Variants in NFRKB observed in about 807,000 individuals in gnomAD.
NFRKB encodes nuclear factor related to kappaB binding protein, also known as nuclear factor related to kappa-B-binding protein.
In NFRKB, 62 loss-of-function variants were observed where a neutral mutation model predicts 135.7. The ratio of observed to expected loss-of-function variants is 0.46; its 90% CI spans 0.37 to 0.56. The LOEUF is 0.56. Among genes scored for constraint, NFRKB ranks in the 20% least tolerant of loss-of-function variants. NFRKB has a pLI of 0.00. For synonymous variants in NFRKB, 678 were observed against 635.6 expected (o/e 1.07, Z -1.00); for missense variants, 1,545 against 1,662.0 (o/e 0.93, Z 1.22).
At chr11:129,878,656 T>C in intron 13 of NFRKB, 113 bp from the exon 14 acceptor site, 1 of 915,244 alleles carries the variant, frequency 1.1e-6, no homozygotes, top group Non-Finnish European at 1.7e-6. Flanking sequence ...TCAGGAGCTG[T>C]AGCAACAATC....
At chr11:129,871,477 T>C (rs1458289921) in intron 23 of NFRKB, among the ~76,000 whole-genome samples, 1 of 152,152 alleles carries the variant, frequency 6.6e-6, no homozygotes, top group Non-Finnish European at 1.5e-5. Context: ...CTTTTCTCTG[T>C]CTTGCAGTCT....
rs766699085 is a variant in NFRKB, at chr11:129,878,539, T to C, written c.1389A>G (p.Gln463=). 5.6e-6 allele frequency: 9 copies of C among 1,613,672 alleles called. No individual in the cohort carries two copies. Among genetic ancestry groups the C allele is most frequent in the African/African-American group, 2.7e-5 (2 of 74,898 alleles). ...EKTQQWKLLG[Q]SQDNEKELAA... is the part of the protein sequence containing the mutation. ...CTAATTCCTTTTCATTATCTTGGGATTGGCCTATTAGAGGAATAAAGAGAT... is the reference window on the plus strand; with the variant it reads ...CTAATTCCTTTTCATTATCTTGGGACTGGCCTATTAGAGGAATAAAGAGAT... Residue 463 remains glutamine, a synonymous_variant, in exon 14 of 27, where the codon CAA becomes CAG. Transcript: ENST00000682444.
At chr11:129,888,246 A>T in intron 4 of NFRKB, 1 of 580,396 alleles carries the variant, frequency 1.7e-6, no homozygotes, top group Non-Finnish European at 3.0e-6. Flanking sequence ...ACGAACCTTG[A>T]TACGTGCAAT....
rs1299513806 is a variant in NFRKB, at chr11:129,869,919, G to A, written c.3106C>T (p.Pro1036Ser). 2.5e-6 allele frequency: 4 copies of A among 1,614,148 alleles called. No individual in the cohort carries two copies. Among genetic ancestry groups the A allele is most frequent in the Non-Finnish European group, 3.4e-6 (4 of 1,180,054 alleles). ...ASSASAPSST[P>S]TGTTVVKVTP... ...ACTTTGACCACAGTGGTACCTGTTGGAGTGGATGAAGGGGCACTGGCTGAA... is the reference window on the plus strand; with the variant it reads ...ACTTTGACCACAGTGGTACCTGTTGAAGTGGATGAAGGGGCACTGGCTGAA... Residue 1036 changes from proline (P) to serine (S), a missense_variant, in exon 24 of 27, where the codon CCA becomes TCA. Around this residue, in one of 3 missense-constraint regions of NFRKB, gnomAD observed 753 missense variants for 804.3 expected, o/e 0.94. Transcript: ENST00000682444.
chr11:129,864,584 G>A lies in NFRKB; in HGVS notation c.*141C>T, dbSNP rs557259665. 1.8e-4 allele frequency: 220 copies of A among 1,210,828 alleles called. No individual in the cohort carries two copies. Among genetic ancestry groups the A allele is most frequent in the Middle Eastern group, 1.2e-3 (4 of 3,442 alleles). The allele number at this position is 1,210,828 out of a possible 1,614,324, so 75.0% of individuals were successfully genotyped here. The stretch of plus-strand genomic sequence containing the variant: ...CACGTGGCAGCAGAATCCAGGCCAC[G>A]AATCCAGGCCACCGTTGCCATCACC... On this transcript the variant is annotated 3_prime_UTR_variant, in exon 27 of 27. Coordinates refer to ENST00000682444, the MANE Select transcript of NFRKB (RefSeq NM_001143835.2).
Position 129,874,657 on chromosome 11 carries a change from C to A in NFRKB, c.1979-77G>T. Reference sequence around the variant, plus strand: ...AAAGAGGGGCTTTGTTAAAAACCAACACCTTGCCAGTGGACTGAATCCTGC... The same window carrying A: ...AAAGAGGGGCTTTGTTAAAAACCAAAACCTTGCCAGTGGACTGAATCCTGC... On this transcript the variant is annotated intron_variant, in intron 19 of 26. Coordinates refer to ENST00000682444, the MANE Select transcript of NFRKB (RefSeq NM_001143835.2). This position sits in a 1 kb window ranked among gnomAD's most constrained non-coding sequence, Gnocchi z 4.5. 6.2e-7 allele frequency: 1 copy of A among 1,603,592 alleles called. No individual in the cohort carries two copies. Among genetic ancestry groups the A allele is most frequent in the Middle Eastern group, 1.7e-4 (1 of 5,988 alleles).
chr11:129,863,659 TA>T lies in NFRKB; in HGVS notation c.*1065del. 1 of 157,552 alleles carries T rather than the reference TA, an allele frequency of 6.3e-6. No individual in the cohort carries two copies. Among genetic ancestry groups the T allele is most frequent in the Non-Finnish European group, 1.4e-5 (1 of 71,922 alleles). The allele number at this position is 157,552 out of a possible 1,614,324, so 9.8% of individuals were successfully genotyped here. On this transcript the variant is annotated 3_prime_UTR_variant, in exon 27 of 27. Transcript: ENST00000682444. ...CAAACAAACAAAAAACGCTTTTACT[TA>T]AAAGGCCATATAGGAAATACTTTAG... is the stretch of plus-strand genomic sequence containing the variant.
At chr11:129,878,421 G>A (rs1321304044) in intron 14 of NFRKB, 43 bp downstream of exon 14, 7 of 1,612,480 alleles carry the variant, frequency 4.3e-6, no homozygotes, top group Non-Finnish European at 3.4e-6. Flanking sequence ...AAGAGCTCTG[G>A]AAACCCAGTG....
chr11:129,867,284 C>T (rs1408065302), intron 24 of NFRKB, among the ~76,000 whole-genome samples: 1 of 150,588 alleles, frequency 6.6e-6, no homozygotes, highest in Non-Finnish European at 1.5e-5. Flanking sequence ...TTCCCGCTTC[C>T]TTATTTCAAC....
At chr11:129,884,240 T>G in intron 7 of NFRKB, 97 bp from the exon 8 acceptor site, 1 of 1,259,194 alleles carries the variant, frequency 7.9e-7, no homozygotes, top group Non-Finnish European at 1.2e-6. Flanking sequence ...GTTTCCCTTC[T>G]GACACCTGTG....
intron 9 of NFRKB, 144 bp downstream of exon 9, chr11:129,882,977 TC>T: frequency 1.4e-6 from 1 of 690,508 alleles, no homozygotes; most frequent in Non-Finnish European, 2.4e-6. Flanking sequence ...TACATTCATT[TC>T]CCACCTGTTA....
chr11:129,884,623 G>T lies in NFRKB; in HGVS notation c.742+122C>A, dbSNP rs75707691. ...AAAACTTTGCCAAACAAATCACCTA[G>T]TTCTAGGGAGTTTTGTTTTCCTGGT... is the stretch of plus-strand genomic sequence containing the variant. On this transcript the variant is annotated intron_variant, in intron 7 of 26. Coordinates refer to ENST00000682444, the MANE Select transcript of NFRKB (RefSeq NM_001143835.2). 1.4e-3 allele frequency: 1,598 copies of T among 1,143,072 alleles called. 10 individuals carry two copies. In the African/African-American group the frequency reaches 0.021, roughly 15 times the overall value. 70.8% of individuals were successfully genotyped at this position (1,143,072 alleles called of 1,614,324 possible).
In NFRKB at chr11:129,872,929, C is replaced by A; in HGVS notation, c.2718G>T (p.Thr906=). The change falls in exon 23 of 27, where the codon ACG becomes ACT. Residue 906 remains threonine, a synonymous_variant. Transcript: ENST00000682444. The part of the protein sequence containing the change: ...SPGTSAPSAS[T]AAVIQNVTGQ... Reference sequence around the variant, plus strand: ...CTGTGACATTTTGAATGACGGCAGCCGTGGAGGCACTGGGAGCAGAGGTCC... The same window carrying A: ...CTGTGACATTTTGAATGACGGCAGCAGTGGAGGCACTGGGAGCAGAGGTCC... 6.2e-7 allele frequency: 1 copy of A among 1,613,762 alleles called. No individual in the cohort carries two copies. Among genetic ancestry groups the A allele is most frequent in the Non-Finnish European group, 8.5e-7 (1 of 1,179,740 alleles).
Position 129,870,214 on chromosome 11 carries a change from G to A in NFRKB, c.2811C>T (p.Ser937=), listed in dbSNP as rs1441706936. The A allele has an allele frequency of 6.2e-7, 1 of 1,614,224 alleles. No individual in the cohort carries two copies. The part of the protein sequence containing the change: ...QLGVKPQTGN[S]IPLTATNFRI... ...GGAAGTTAGTGGCTGTGAGTGGAAT[G>A]CTGTTGCCTGTTTGGGGCTTCACAC... The change falls in exon 24 of 27, where the codon AGC becomes AGT. Residue 937 remains serine (S), a synonymous_variant. Coordinates refer to ENST00000682444, the MANE Select transcript of NFRKB (RefSeq NM_001143835.2).
At chr11:129,869,294 TTG>T (rs1948374289) in intron 24 of NFRKB, among the ~76,000 whole-genome samples, 198 bp downstream of exon 24, 1 of 152,080 alleles carries the variant, frequency 6.6e-6, no homozygotes, top group Admixed American at 6.5e-5. Flanking sequence ...GACACATAAA[TTG>T]TGTTTCAAAG....
intron 16 of NFRKB, 150 bp downstream of exon 16, chr11:129,877,175 C>T (rs1948806067): frequency 2.3e-6 from 2 of 857,412 alleles, no homozygotes. Context: ...ACACCGTTTC[C>T]ACCCCCAACA....
chr11:129,886,839 C>T lies in NFRKB; in HGVS notation c.338-395G>A, dbSNP rs143677290. Among the ~76,000 whole-genome samples the T allele has an allele frequency of 3.6e-3, 545 of 152,316 alleles. 2 individuals are homozygous for T. Among genetic ancestry groups the T allele is most frequent in the African/African-American group, 0.01 (420 of 41,568 alleles). ...CCTTTATGGAAGGTCCCTTACAGAG[C>T]CCCTCTAAAGCCAAGTGGGTCCCCA... On this transcript the variant is annotated intron_variant, in intron 4 of 26. Transcript: ENST00000682444.
In NFRKB at chr11:129,877,621, G is replaced by C. The variant is rs113648853; in HGVS notation, c.1512-236C>G. Among the ~76,000 whole-genome samples the C allele has an allele frequency of 2.3e-3, 348 of 152,326 alleles. 2 individuals are homozygous for C. Among genetic ancestry groups the C allele is most frequent in the African/African-American group, 8.2e-3 (341 of 41,572 alleles). On this transcript the variant is annotated intron_variant, in intron 15 of 26. Coordinates refer to ENST00000682444, the MANE Select transcript of NFRKB (RefSeq NM_001143835.2). Reference sequence around the variant, plus strand: ...AGGTACTGGGTGGATAGATGGACAAGAGGCTGACATCTTTAACTACTGCTT... The same window carrying C: ...AGGTACTGGGTGGATAGATGGACAACAGGCTGACATCTTTAACTACTGCTT...
In NFRKB at chr11:129,889,545, C is replaced by T. The variant is rs1380728252; in HGVS notation, c.136-750G>A. Among the ~76,000 whole-genome samples the T allele has an allele frequency of 2.6e-5, 4 of 151,370 alleles. No homozygotes were observed. The East Asian group carries it at 7.9e-4, about 30-fold the overall frequency. On this transcript the variant is annotated intron_variant, in intron 3 of 26. Transcript: ENST00000682444. ...CAGGATGGGGTTCATTTTCAACTCC[C>T]GAGTTATATACTGGATACCTTCCAC... is the stretch of plus-strand genomic sequence containing the variant.
Sources: allele counts gnomAD v4.1 joint callset (sites outside exome capture counted in the v4.1 genomes callset), GRCh38; gene constraint gnomAD v4.1.1; regional missense constraint gnomAD v4.1.1; non-coding constraint Gnocchi (gnomAD v3.1); transcripts MANE v1.5; gene names NCBI Gene and HGNC (gene_info 2026-07-23, HGNC 2026-07-21).